Variants in PTPRD observed in about 807,000 individuals in gnomAD.
The protein encoded by PTPRD is protein tyrosine phosphatase receptor type D.
PTPRD carries 34 observed loss-of-function variants against 214.5 expected under a neutral mutation model. That is an observed-to-expected ratio of 0.16 (90% CI 0.12 to 0.21). The LOEUF (loss-of-function observed/expected upper bound fraction) is 0.21, where lower values mean the gene tolerates loss of function less well. PTPRD is among the 10% of genes least tolerant of loss of function. PTPRD has a pLI of 1.00. For synonymous variants in PTPRD, 1,128 were observed against 845.7 expected, an observed-to-expected ratio of 1.33 and a Z score of -5.79; for missense variants, 2,545 against 2,398.7, an observed-to-expected ratio of 1.06 and a Z score of -1.27.
At chr9:9,466,834 T>A (rs1452787214) in intron 8 of PTPRD, among the ~76,000 whole-genome samples, 1 of 152,202 alleles carries the variant, frequency 6.6e-6, no homozygotes, top group Non-Finnish European at 1.5e-5. Flanking sequence ...CTTCTTCTCC[T>A]CAGTCTTTTT....
chr9:8,314,464 C>T lies in PTPRD; in HGVS notation c.*3410G>A. The T allele has an allele frequency of 4.3e-6, 1 of 231,314 alleles. No individual in the cohort carries two copies. Among genetic ancestry groups the T allele is most frequent in the Non-Finnish European group, 8.6e-6 (1 of 116,522 alleles). 14.3% of individuals were successfully genotyped at this position (231,314 alleles called of 1,614,324 possible). On this transcript the variant is annotated 3_prime_UTR_variant, in exon 46 of 46. Coordinates refer to ENST00000381196, the MANE Select transcript of PTPRD (RefSeq NM_002839.4). The stretch of plus-strand genomic sequence containing the variant: ...TTACAAGTTATTTGTTTTAATTTTT[C>T]AGTCTATGCATCCAAAACGAGAGCA...
intron 7 of PTPRD, among the ~76,000 whole-genome samples, chr9:9,721,011 T>A (rs1437208656): frequency 6.6e-6 from 1 of 151,344 alleles, no homozygotes; most frequent in Non-Finnish European, 1.5e-5. Flanking sequence ...GCAAGAAGGG[T>A]ACAAAAAAAA....
chr9:10,418,533 A>T (rs1229560873), intron 2 of PTPRD, among the ~76,000 whole-genome samples: 1 of 150,428 alleles, frequency 6.6e-6, no homozygotes, highest in Non-Finnish European at 1.5e-5. Context: ...TTTTCTCCAT[A>T]GCATTTATCA....
chr9:8,551,085 G>T (rs1284468244), intron 14 of PTPRD, among the ~76,000 whole-genome samples: 2 of 152,264 alleles, frequency 1.3e-5, no homozygotes, highest in African/African-American at 4.8e-5. Flanking sequence ...TCACTTGGGG[G>T]TGGTTTTTGC....
intron 9 of PTPRD, among the ~76,000 whole-genome samples, chr9:9,223,511 T>G (rs1175474911): frequency 6.6e-6 from 1 of 151,988 alleles, no homozygotes; most frequent in Non-Finnish European, 1.5e-5. Context: ...CTTGGCAATT[T>G]TACCATTGTA....
At chr9:9,398,681 A>G (rs976835352) in intron 8 of PTPRD, among the ~76,000 whole-genome samples, 11 of 152,064 alleles carry the variant, frequency 7.2e-5, no homozygotes, top group African/African-American at 2.7e-4. Flanking sequence ...GACTTTTTCA[A>G]TCATATGGGA....
chr9:8,525,897 T>C (rs1398652056), intron 17 of PTPRD, among the ~76,000 whole-genome samples: 1 of 151,750 alleles, frequency 6.6e-6, no homozygotes, highest in African/African-American at 2.4e-5. Flanking sequence ...CAATACCACA[T>C]ACCACCAAGA....
At chr9:10,127,574 G>T (rs890098285) in intron 3 of PTPRD, among the ~76,000 whole-genome samples, 2 of 151,988 alleles carry the variant, frequency 1.3e-5, no homozygotes, top group African/African-American at 4.8e-5. Flanking sequence ...AACTTGGAAT[G>T]GAATGGAAAT....
intron 5 of PTPRD, among the ~76,000 whole-genome samples, chr9:9,837,067 A>ACATACATTCT (rs1349750025): frequency 6.6e-6 from 1 of 152,120 alleles, no homozygotes; most frequent in Admixed American, 6.6e-5. Context: ...GTAGCTCTAC[A>ACATACATTCT]TACATTCTTT....
intron 14 of PTPRD, among the ~76,000 whole-genome samples, chr9:8,628,579 T>C (rs1204586128): frequency 6.8e-6 from 1 of 147,430 alleles, no homozygotes; most frequent in Non-Finnish European, 1.5e-5. Flanking sequence ...AGTGATTTCA[T>C]CGCTAATCCA....
intron 11 of PTPRD, among the ~76,000 whole-genome samples, chr9:8,856,978 T>C (rs556017002): frequency 6.6e-6 from 1 of 152,340 alleles, no homozygotes; most frequent in African/African-American, 2.4e-5. Context: ...TCTTTTTAAA[T>C]TGTTTCTTAC....
intron 6 of PTPRD, among the ~76,000 whole-genome samples, chr9:9,743,819 C>A (rs1444655335): frequency 6.7e-6 from 1 of 149,828 alleles, no homozygotes; most frequent in Non-Finnish European, 1.5e-5. Context: ...AAGGTGGGTT[C>A]GATGATTTCT....
At chr9:10,132,394 G>A (rs559818912) in intron 3 of PTPRD, among the ~76,000 whole-genome samples, 3 of 152,194 alleles carry the variant, frequency 2.0e-5, no homozygotes, top group African/African-American at 7.2e-5. Flanking sequence ...TCACTCTCTT[G>A]AAAATAATTA....
intron 9 of PTPRD, among the ~76,000 whole-genome samples, chr9:9,281,344 G>C (rs766939979): frequency 6.6e-6 from 1 of 151,166 alleles, no homozygotes; most frequent in Non-Finnish European, 1.5e-5. Context: ...ATTTGCAAAA[G>C]ACATCTAATA....
At chr9:9,812,888 C>G (rs1246586153) in intron 5 of PTPRD, among the ~76,000 whole-genome samples, 2 of 151,990 alleles carry the variant, frequency 1.3e-5, no homozygotes, top group African/African-American at 2.4e-5. Flanking sequence ...GACTGTAAAT[C>G]TGAGCAAATT....
At chr9:9,097,749 A>T (rs1008831025) in intron 10 of PTPRD, among the ~76,000 whole-genome samples, 2 of 152,098 alleles carry the variant, frequency 1.3e-5, no homozygotes, top group Non-Finnish European at 2.9e-5. Context: ...ACAATTCTCT[A>T]TGGGTCTCAT....
At chr9:8,408,068 G>A (rs1273553091) in intron 35 of PTPRD, among the ~76,000 whole-genome samples, 1 of 152,178 alleles carries the variant, frequency 6.6e-6, no homozygotes, top group Non-Finnish European at 1.5e-5. Flanking sequence ...GACAGACACA[G>A]TTGCTTTGCC....
intron 14 of PTPRD, among the ~76,000 whole-genome samples, chr9:8,550,504 T>C (rs1269024075): frequency 6.6e-6 from 1 of 152,204 alleles, no homozygotes; most frequent in Non-Finnish European, 1.5e-5. Context: ...ATCAAAATCT[T>C]AGTTGGTTAA....
At chr9:10,287,886 AG>A (rs2154398272) in intron 3 of PTPRD, among the ~76,000 whole-genome samples, 1 of 152,114 alleles carries the variant, frequency 6.6e-6, no homozygotes, top group Non-Finnish European at 1.5e-5. Context: ...TGCCAGACAG[AG>A]GGGGTTTTCT....
Sources: gnomAD v4.1 joint callset for allele counts (sites outside exome capture counted in the v4.1 genomes callset) on GRCh38, gnomAD v4.1.1 for gene constraint, MANE v1.5 for transcripts, NCBI Gene and HGNC (gene_info 2026-07-23, HGNC 2026-07-21) for gene names.